GRIA4: variants seen among roughly 807,000 people sequenced by gnomAD.
The protein encoded by GRIA4 is glutamate receptor 4.
Under a neutral mutation model 104.0 loss-of-function variants are expected in GRIA4, and 34 were observed. That is an observed-to-expected ratio of 0.33 (90% CI 0.25 to 0.44). GRIA4 has a LOEUF of 0.44. GRIA4 is among the 20% of genes least tolerant of loss of function. The pLI, the probability that GRIA4 is intolerant of heterozygous loss-of-function variation, is 1.00. For missense variants in GRIA4, 750 were observed against 1,096.5 expected, an observed-to-expected ratio of 0.68 and a Z score of 4.46; for synonymous variants, 386 against 381.9, an observed-to-expected ratio of 1.01 and a Z score of -0.13.
chr11:105,719,225 C>G (rs1954210042), intron 3 of GRIA4, among the ~76,000 whole-genome samples: 1 of 152,058 alleles, frequency 6.6e-6, no homozygotes, highest in Admixed American at 6.6e-5. Context: ...AGGGACAACT[C>G]AATAGGGTTC....
In GRIA4 at chr11:105,680,712, C is replaced by T. The variant is rs1952681938; in HGVS notation, c.247+68278C>T. Among the ~76,000 whole-genome samples, 4 of 152,078 alleles carry T rather than the reference C, an allele frequency of 2.6e-5. No homozygotes were observed. The South Asian group carries it at 8.3e-4, about 32-fold the overall frequency. On this transcript the variant is annotated intron_variant, in intron 3 of 16. Transcript: ENST00000282499. ...TGACTCAATTTCTGATCTGTATTTACCCTCCTCCCTTCCCCAGTGAGGTTT... is the reference window on the plus strand; with the variant it reads ...TGACTCAATTTCTGATCTGTATTTATCCTCCTCCCTTCCCCAGTGAGGTTT...
chr11:105,628,869 A>G (rs1419117153), intron 3 of GRIA4, among the ~76,000 whole-genome samples: 2 of 152,116 alleles, frequency 1.3e-5, no homozygotes, highest in East Asian at 1.9e-4. Flanking sequence ...TTGAGAGGAC[A>G]TTGTTGCTAA....
intron 3 of GRIA4, among the ~76,000 whole-genome samples, chr11:105,728,763 A>G (rs1938388878): frequency 6.6e-6 from 1 of 152,216 alleles, no homozygotes; most frequent in African/African-American, 2.4e-5. Context: ...CTGGATAAAT[A>G]ACGAAATTAA....
chr11:105,683,382 T>G (rs1952771212), intron 3 of GRIA4, among the ~76,000 whole-genome samples: 1 of 151,986 alleles, frequency 6.6e-6, no homozygotes, highest in Non-Finnish European at 1.5e-5. Context: ...CAAGAAAATA[T>G]GTTTTATTAA....
intron 3 of GRIA4, among the ~76,000 whole-genome samples, chr11:105,700,452 T>C (rs1271225428): frequency 6.6e-6 from 1 of 152,170 alleles, no homozygotes; most frequent in East Asian, 1.9e-4. Flanking sequence ...CCAATTATTT[T>C]CCTCCATATT....
At chr11:105,642,386 T>C (rs1341213116) in intron 3 of GRIA4, among the ~76,000 whole-genome samples, 1 of 152,070 alleles carries the variant, frequency 6.6e-6, no homozygotes, top group Admixed American at 6.6e-5. Flanking sequence ...TGTTAAATAT[T>C]ATGGTGAAAT....
chr11:105,646,178 C>G (rs751317635), intron 3 of GRIA4, among the ~76,000 whole-genome samples: 21 of 152,148 alleles, frequency 1.4e-4, no homozygotes, highest in Non-Finnish European at 2.2e-4. Context: ...CATAAGTCAC[C>G]TATCACAGTC....
At chr11:105,911,290 CT>C (rs1159777473) in intron 10 of GRIA4, among the ~76,000 whole-genome samples, 1 of 151,880 alleles carries the variant, frequency 6.6e-6, no homozygotes, top group Non-Finnish European at 1.5e-5. Flanking sequence ...ATGAAATTAC[CT>C]TTTAAATAAT....
At chr11:105,708,873 G>T (rs1239046074) in intron 3 of GRIA4, among the ~76,000 whole-genome samples, 1 of 151,926 alleles carries the variant, frequency 6.6e-6, no homozygotes, top group African/African-American at 2.4e-5. Flanking sequence ...TTAATATAGA[G>T]ATTGAATTTT....
chr11:105,775,438 G>A (rs1941406867), intron 4 of GRIA4, among the ~76,000 whole-genome samples: 2 of 152,018 alleles, frequency 1.3e-5, no homozygotes, highest in African/African-American at 4.8e-5. Context: ...ATGTAATGAT[G>A]TATTTATTTG....
chr11:105,745,948 C>G (rs1939629443), intron 3 of GRIA4, among the ~76,000 whole-genome samples: 1 of 152,148 alleles, frequency 6.6e-6, no homozygotes, highest in Non-Finnish European at 1.5e-5. Flanking sequence ...AATTTACTGA[C>G]TCAACACATC....
rs936612018 is a variant in GRIA4, at chr11:105,646,192, A to G, written c.247+33758A>G. ...ACATAAGTCACCTATCACAGTCTCT[A>G]AAAGTAGTACTAGAAAATGTATTTC... On this transcript the variant is annotated intron_variant, in intron 3 of 16. Transcript: ENST00000282499. Among the ~76,000 whole-genome samples the G allele has an allele frequency of 3.3e-5, 5 of 152,356 alleles. No individual in the cohort carries two copies. In the East Asian group the frequency reaches 5.8e-4, roughly 18 times the overall value.
At chr11:105,751,618 A>G (rs1591192293) in intron 3 of GRIA4, among the ~76,000 whole-genome samples, 1 of 152,294 alleles carries the variant, frequency 6.6e-6, no homozygotes, top group East Asian at 1.9e-4. Context: ...CCCTAATATA[A>G]TATCTATCAA....
At chr11:105,714,254 CA>C (rs150688023) in intron 3 of GRIA4, among the ~76,000 whole-genome samples, 3,332 of 148,774 alleles carry the variant, frequency 0.022, 91 homozygotes, top group African/African-American at 0.052. Context: ...TTTTGAAAAA[CA>C]AAAAAAAAAA....
intron 4 of GRIA4, among the ~76,000 whole-genome samples, chr11:105,832,887 T>G (rs1315880238): frequency 6.6e-6 from 1 of 152,032 alleles, no homozygotes; most frequent in Non-Finnish European, 1.5e-5. Context: ...GAAAGGTAAT[T>G]GGTGATCTCT....
intron 3 of GRIA4, among the ~76,000 whole-genome samples, chr11:105,621,032 T>C (rs1345986937): frequency 6.6e-6 from 1 of 151,726 alleles, no homozygotes; most frequent in East Asian, 1.9e-4. Context: ...AGAAAACTGT[T>C]GATATTGTCA....
chr11:105,914,390 AG>A (rs1456896995), intron 10 of GRIA4, among the ~76,000 whole-genome samples: 3 of 152,090 alleles, frequency 2.0e-5, no homozygotes, highest in Admixed American at 1.3e-4. Context: ...AACTTTCAAT[AG>A]TAATTGTAAT....
At chr11:105,671,936 C>G (rs1316603444) in intron 3 of GRIA4, among the ~76,000 whole-genome samples, 1 of 151,992 alleles carries the variant, frequency 6.6e-6, no homozygotes, top group Non-Finnish European at 1.5e-5. Context: ...CAACCACAAT[C>G]AGGGGATTCT....
At chr11:105,930,784 C>G (rs1396562209) in intron 13 of GRIA4, among the ~76,000 whole-genome samples, 1 of 151,938 alleles carries the variant, frequency 6.6e-6, no homozygotes, top group East Asian at 1.9e-4. Context: ...TTTTCATATT[C>G]TTAATAAATT....
Sources: allele counts gnomAD v4.1 joint callset (sites outside exome capture counted in the v4.1 genomes callset), GRCh38; gene constraint gnomAD v4.1.1; transcripts MANE v1.5; gene names NCBI Gene and HGNC (gene_info 2026-07-23, HGNC 2026-07-21).